NTAQ1: variants seen among roughly 807,000 people sequenced by gnomAD.
The protein encoded by NTAQ1 is N-terminal glutamine amidase 1.
A neutral mutation model predicts 28.2 loss-of-function variants in NTAQ1; 21 were observed. That is an observed-to-expected ratio of 0.74 (90% CI 0.53 to 1.07). NTAQ1 has a LOEUF of 1.07. NTAQ1 is among the 50% of genes least tolerant of loss of function. NTAQ1 has a pLI of 0.00. For missense variants in NTAQ1, 264 were observed against 256.6 expected, an observed-to-expected ratio of 1.03 and a Z score of -0.20; for synonymous variants, 105 against 90.0, an observed-to-expected ratio of 1.17 and a Z score of -0.94.
At chr8:123,424,733 A>G (rs1254974992) in intron 1 of NTAQ1, among the ~76,000 whole-genome samples, 1 of 152,184 alleles carries the variant, frequency 6.6e-6, no homozygotes, top group Non-Finnish European at 1.5e-5. Context: ...GCCCACCCTT[A>G]GAGGGGAATG....
exon 7 of NTAQ1, among the ~76,000 whole-genome samples, chr8:123,468,079 G>T (rs1273359437): frequency 6.6e-6 from 1 of 152,196 alleles, no homozygotes; most frequent in Non-Finnish European, 1.5e-5. Context: ...TCAAGGAGAT[G>T]CCCACCATGA....
downstream of NTAQ1, among the ~76,000 whole-genome samples, chr8:123,470,067 A>G (rs1047007458): frequency 7.9e-5 from 12 of 151,626 alleles, no homozygotes; most frequent in African/African-American, 2.9e-4. Flanking sequence ...GCCTTATAAG[A>G]AAAGAGACAA....
chr8:123,435,961 G>T (rs1586946437), intron 3 of NTAQ1, among the ~76,000 whole-genome samples: 1 of 151,046 alleles, frequency 6.6e-6, no homozygotes, highest in Non-Finnish European at 1.5e-5. Context: ...TGAGGTCAGG[G>T]GTTCAAGACC....
chr8:123,417,613 C>CAT (rs1325850108), intron 1 of NTAQ1, among the ~76,000 whole-genome samples: 1 of 152,142 alleles, frequency 6.6e-6, no homozygotes, highest in Admixed American at 6.5e-5. Context: ...CCTTAGTCCT[C>CAT]ATACCTACTC....
chr8:123,432,652 C>T (rs1353328158), intron 3 of NTAQ1, among the ~76,000 whole-genome samples: 1 of 148,154 alleles, frequency 6.7e-6, no homozygotes, highest in African/African-American at 2.5e-5. Flanking sequence ...AAAATCATTC[C>T]TATAATAATT....
intron 1 of NTAQ1, among the ~76,000 whole-genome samples, chr8:123,420,883 G>T (rs1416728259): frequency 6.6e-6 from 1 of 151,834 alleles, no homozygotes; most frequent in African/African-American, 2.4e-5. Flanking sequence ...TCCGCCTCCT[G>T]GGTTCAAGCG....
At chr8:123,466,074 C>T (rs1439117535) in intron 6 of NTAQ1, among the ~76,000 whole-genome samples, 3 of 152,118 alleles carry the variant, frequency 2.0e-5, no homozygotes, top group East Asian at 1.9e-4. Context: ...TCTGAGTGGA[C>T]GGGATTGCCA....
chr8:123,440,513 T>C (rs1777287111), intron 5 of NTAQ1, among the ~76,000 whole-genome samples: 1 of 150,112 alleles, frequency 6.7e-6, no homozygotes, highest in Non-Finnish European at 1.5e-5. Flanking sequence ...TTTTTTTTTT[T>C]TTTTTAGACA....
chr8:123,452,256 G>A (rs368011470), downstream of NTAQ1, among the ~76,000 whole-genome samples: 14 of 152,288 alleles, frequency 9.2e-5, no homozygotes, highest in African/African-American at 3.4e-4. Flanking sequence ...TGTGGCTTTG[G>A]CCCTGAGCTT....
Position 123,441,462 on chromosome 8 carries a change from C to A in NTAQ1, c.*47C>A. 6.9e-7 allele frequency: 1 copy of A among 1,440,972 alleles called. No individual in the cohort carries two copies. The highest frequency in any genetic ancestry group is 9.7e-7 in the Non-Finnish European group (1 of 1,034,430). 89.3% of individuals were successfully genotyped at this position (1,440,972 alleles called of 1,614,324 possible). A position where few individuals can be genotyped will look rare whatever the true frequency, so the allele number is the denominator to read the frequency against. On this transcript the variant is annotated 3_prime_UTR_variant, in exon 6 of 6. Coordinates refer to ENST00000287387, the MANE Select transcript of NTAQ1 (RefSeq NM_018024.3). ...CTGTGGAGAAATTCTAGGACATGAA[C>A]AAGCTATCCTTTCATCGAGGACAGC...
intron 5 of NTAQ1, among the ~76,000 whole-genome samples, chr8:123,437,594 T>C (rs922960920): frequency 2.4e-4 from 37 of 151,424 alleles, no homozygotes; most frequent in African/African-American, 8.3e-4. Context: ...TCCCAGCTAC[T>C]AGGGAGGCTG....
chr8:123,449,907 A>T (rs1185328317), downstream of NTAQ1, among the ~76,000 whole-genome samples: 1 of 47,702 alleles, frequency 2.1e-5, no homozygotes, highest in Non-Finnish European at 3.8e-5. Context: ...CTCCATATGT[A>T]TATATGTGTG....
At chr8:123,430,062 C>T (rs574632407) in intron 3 of NTAQ1, 29 bp downstream of exon 3, 46 of 1,589,976 alleles carry the variant, frequency 2.9e-5, no homozygotes, top group South Asian at 2.1e-4. Flanking sequence ...AGAGTATTGA[C>T]GCATTATGAC....
At chr8:123,458,895 C>T (rs568784230) in intron 6 of NTAQ1, among the ~76,000 whole-genome samples, 1 of 152,192 alleles carries the variant, frequency 6.6e-6, no homozygotes, top group South Asian at 2.1e-4. Flanking sequence ...GCTGGGATTA[C>T]ACGCGTGAGC....
intron 6 of NTAQ1, among the ~76,000 whole-genome samples, chr8:123,461,468 G>T (rs56115182): frequency 0.014 from 2,135 of 152,234 alleles, 18 homozygotes; most frequent in Non-Finnish European, 0.023. Context: ...TCTACACCCC[G>T]AGAGGTTATT....
downstream of NTAQ1, among the ~76,000 whole-genome samples, chr8:123,444,236 G>A (rs1815185923): frequency 6.6e-6 from 1 of 152,110 alleles, no homozygotes; most frequent in Admixed American, 6.5e-5. Context: ...GTCTTGCTCT[G>A]TTTCCCAGGC....
At chr8:123,433,608 C>T (rs1335936119) in intron 3 of NTAQ1, among the ~76,000 whole-genome samples, 5 of 152,066 alleles carry the variant, frequency 3.3e-5, no homozygotes, top group African/African-American at 4.8e-5. Flanking sequence ...CCACCATGCC[C>T]GGCTCGTTGT....
chr8:123,449,604 A>G (rs568129839), downstream of NTAQ1, among the ~76,000 whole-genome samples: 6 of 152,076 alleles, frequency 3.9e-5, no homozygotes, highest in African/African-American at 1.4e-4. Context: ...GAAGACAGAC[A>G]ATGAACTTCT....
At chr8:123,468,151 G>A (rs537302310) in exon 7 of NTAQ1, among the ~76,000 whole-genome samples, 3 of 152,192 alleles carry the variant, frequency 2.0e-5, no homozygotes, top group Non-Finnish European at 2.9e-5. Flanking sequence ...GCCCCCAAAG[G>A]GGGTAGTGGG....
Sources: gnomAD v4.1 joint callset for allele counts (sites outside exome capture counted in the v4.1 genomes callset) on GRCh38, gnomAD v4.1.1 for gene constraint, MANE v1.5 for transcripts, NCBI Gene and HGNC (gene_info 2026-07-23, HGNC 2026-07-21) for gene names.